CHST10: variants seen among roughly 807,000 people sequenced by gnomAD.
CHST10 encodes the protein HNK-1 sulfotransferase.
CHST10 carries 24 observed loss-of-function variants against 34.7 expected under a neutral mutation model. That is an observed-to-expected ratio of 0.69 (90% CI 0.50 to 0.97). The LOEUF (loss-of-function observed/expected upper bound fraction) is 0.97, where lower values mean the gene tolerates loss of function less well. Ranked by LOEUF, CHST10 falls within the 50% of genes least tolerant of loss-of-function variation. The pLI, the probability that CHST10 is intolerant of heterozygous loss-of-function variation, is 0.00. For missense variants in CHST10, 402 were observed against 452.1 expected (o/e 0.89, Z 1.00); for synonymous variants, 161 against 169.3 (o/e 0.95, Z 0.38).
chr2:100,406,761 AAG>A, intron 2 of CHST10, 54 bp from the exon 3 acceptor site: 1 of 1,565,794 alleles, frequency 6.4e-7, no homozygotes, highest in South Asian at 1.1e-5. Flanking sequence ...CAAGTCAACA[AAG>A]AGGAATGAAA....
chr2:100,402,294 G>A (rs1675375788), intron 4 of CHST10, among the ~76,000 whole-genome samples: 2 of 152,164 alleles, frequency 1.3e-5, no homozygotes, highest in Admixed American at 1.3e-4. Flanking sequence ...CCCAGGCAAG[G>A]CTCATGTTCA....
At chr2:100,413,154 C>G (rs1243603268) in intron 2 of CHST10, among the ~76,000 whole-genome samples, 1 of 152,206 alleles carries the variant, frequency 6.6e-6, no homozygotes, top group African/African-American at 2.4e-5. Flanking sequence ...CTGCTGCTCT[C>G]CCTACAGCTA....
intron 4 of CHST10, 35 bp downstream of exon 4, chr2:100,402,529 C>G: frequency 6.3e-7 from 1 of 1,588,950 alleles, no homozygotes; most frequent in South Asian, 1.1e-5. Context: ...GTGCCGTGTT[C>G]AAGAGGACAA....
chr2:100,396,372 C>T (rs2104315932), intron 5 of CHST10, among the ~76,000 whole-genome samples: 1 of 152,298 alleles, frequency 6.6e-6, no homozygotes. Context: ...AGGTTTTTCA[C>T]TCTTTTCTCA....
At position 100,393,408 on chromosome 2, in the gene CHST10, A is replaced by G. The variant is rs147076164; in HGVS notation, c.908T>C (p.Val303Ala). ...GCCCGGAGGGATAGTCGGGTATGAC[A>G]CCAGGTGGTCAATGCCAGCCTCTTT... ...ILKEAGIDHL[V>A]SYPTIPPGIT... is the part of the protein sequence containing the mutation. The change falls in exon 7 of 7, where the codon GTG becomes GCG. Residue 303 changes from valine (V) to alanine (A), a missense_variant. Coordinates refer to ENST00000264249, the MANE Select transcript of CHST10 (RefSeq NM_004854.5). 2.0e-4 allele frequency: 328 copies of G among 1,614,122 alleles called. No individual in the cohort carries two copies. Among genetic ancestry groups the G allele is most frequent in the Non-Finnish European group, 2.5e-4 (300 of 1,180,028 alleles).
chr2:100,409,419 C>T (rs904750976), intron 2 of CHST10, among the ~76,000 whole-genome samples: 1 of 152,150 alleles, frequency 6.6e-6, no homozygotes, highest in African/African-American at 2.4e-5. Flanking sequence ...GAGAGGTGCA[C>T]TCTCCTGAAG....
Position 100,393,098 on chromosome 2 carries a change from T to C in CHST10, c.*147A>G, listed in dbSNP as rs1674869601. The C allele has an allele frequency of 1.0e-5, 8 of 766,780 alleles. No individual in the cohort carries two copies. The highest frequency in any genetic ancestry group is 1.7e-5 in the Non-Finnish European group (8 of 472,640). The allele number at this position is 766,780 out of a possible 1,614,324, so 47.5% of individuals were successfully genotyped here. A position where few individuals can be genotyped will look rare whatever the true frequency, so the allele number is the denominator to read the frequency against. ...TTGTAACAGTTGGGGTTCTGCGTCA[T>C]ATGCCGAGGCAACTCACAGGCCTGT... On this transcript the variant is annotated 3_prime_UTR_variant, in exon 7 of 7. Transcript: ENST00000264249.
In CHST10 at chr2:100,395,627, C is replaced by T. The variant is rs373503521; in HGVS notation, c.428-13G>A. ...GAAGAAAATGCTCCTGGGAAGTAAA[C>T]GGAAAGGAAGGCAGGTTGGCTGCTC... On this transcript the variant is annotated splice_polypyrimidine_tract_variant and intron_variant, in intron 5 of 6. Transcript: ENST00000264249. 46 of 1,610,810 alleles carry T rather than the reference C, an allele frequency of 2.9e-5. No homozygotes were observed. The highest frequency in any genetic ancestry group is 5.0e-5 in the Admixed American group (3 of 59,954).
intron 1 of CHST10, chr2:100,416,883 C>G: frequency 9.7e-7 from 1 of 1,031,366 alleles, no homozygotes; most frequent in Non-Finnish European, 1.3e-6. Context: ...CATGCCTCAA[C>G]CTCCAACTTC....
intron 1 of CHST10, chr2:100,415,839 A>C (rs1422382148): frequency 1.3e-5 from 2 of 152,260 alleles, no homozygotes; most frequent in East Asian, 3.9e-4. Flanking sequence ...ACATAAACCT[A>C]GATAGTACAG....
At chr2:100,405,778 A>C (rs1450341968) in intron 3 of CHST10, among the ~76,000 whole-genome samples, 2 of 152,220 alleles carry the variant, frequency 1.3e-5, no homozygotes, top group African/African-American at 4.8e-5. Context: ...GAGGACTTCA[A>C]TGACTCCATG....
intron 2 of CHST10, among the ~76,000 whole-genome samples, chr2:100,411,030 A>G (rs1326604443): frequency 2.0e-5 from 3 of 152,188 alleles, no homozygotes; most frequent in Non-Finnish European, 4.4e-5. Flanking sequence ...TATGTAATAC[A>G]TAGAATAAAA....
Position 100,393,047 on chromosome 2 carries a change from T to G in CHST10, c.*198A>C. The G allele has an allele frequency of 1.6e-6, 1 of 614,632 alleles. No individual in the cohort carries two copies. The highest frequency in any genetic ancestry group is 2.8e-6 in the Non-Finnish European group (1 of 350,990). The allele number at this position is 614,632 out of a possible 1,614,324, so 38.1% of individuals were successfully genotyped here. A position where few individuals can be genotyped will look rare whatever the true frequency, so the allele number is the denominator to read the frequency against. ...GCACGCAGGGGTGTGGGCAGGGTCC[T>G]CAGAGCATCTTACATCCAAACTAAG... On this transcript the variant is annotated 3_prime_UTR_variant, in exon 7 of 7. Transcript: ENST00000264249.
At chr2:100,394,333 G>A (rs1674948428) in intron 6 of CHST10, among the ~76,000 whole-genome samples, 1 of 152,164 alleles carries the variant, frequency 6.6e-6, no homozygotes. Flanking sequence ...ATGGCCCTGG[G>A]GAGGAGGGCC....
At position 100,415,066 on chromosome 2, in the gene CHST10, C is replaced by T; in HGVS notation, c.-58G>A. 1.5e-6 allele frequency: 2 copies of T among 1,303,356 alleles called. No individual in the cohort carries two copies. Among genetic ancestry groups the T allele is most frequent in the Non-Finnish European group, 2.0e-6 (2 of 988,464 alleles). 80.7% of individuals were successfully genotyped at this position (1,303,356 alleles called of 1,614,324 possible). On this transcript the variant is annotated 5_prime_UTR_variant, in exon 2 of 7. Transcript: ENST00000264249. ...CTTCTGCAGCCTGGGGCTCACATTT[C>T]CTTGCTGTGTTTCCCCTGAACTGAG...
At chr2:100,413,213 C>G (rs1430654767) in intron 2 of CHST10, among the ~76,000 whole-genome samples, 2 of 152,194 alleles carry the variant, frequency 1.3e-5, no homozygotes, top group Non-Finnish European at 2.9e-5. Context: ...AATTAACTCC[C>G]CTTTGTTCAA....
At chr2:100,403,382 A>G (rs987990601) in intron 3 of CHST10, among the ~76,000 whole-genome samples, 2 of 152,204 alleles carry the variant, frequency 1.3e-5, no homozygotes, top group African/African-American at 4.8e-5. Context: ...TTCTTATGAG[A>G]AAGTCTAGTT....
intron 5 of CHST10, 104 bp from the exon 6 acceptor site, chr2:100,395,718 G>A (rs767985911): frequency 4.9e-6 from 4 of 816,014 alleles, no homozygotes; most frequent in East Asian, 2.5e-5. Context: ...TGTTCCCCAC[G>A]TGTGCATGAC....
At chr2:100,403,626 G>T (rs1675437463) in intron 3 of CHST10, among the ~76,000 whole-genome samples, 1 of 152,176 alleles carries the variant, frequency 6.6e-6, no homozygotes. Context: ...ACTGATGGGG[G>T]TTCTGAGGCT....
Sources: gnomAD v4.1 joint callset for allele counts (sites outside exome capture counted in the v4.1 genomes callset) on GRCh38, gnomAD v4.1.1 for gene constraint, MANE v1.5 for transcripts, NCBI Gene and HGNC (gene_info 2026-07-23, HGNC 2026-07-21) for gene names.